Variants in AGBL1 observed in about 807,000 individuals in gnomAD.
AGBL1 encodes cytosolic carboxypeptidase 4.
A neutral mutation model predicts 118.9 loss-of-function variants in AGBL1; 130 were observed. That is an observed-to-expected ratio of 1.09 (90% CI 0.95 to 1.26). The LOEUF is 1.26. Among genes scored for constraint, AGBL1 ranks in the 50% most tolerant of loss-of-function variants. AGBL1 has a pLI of 0.00. For missense variants in AGBL1, 1,584 were observed against 1,298.1 expected, an observed-to-expected ratio of 1.22 and a Z score of -3.38; for synonymous variants, 555 against 478.9, an observed-to-expected ratio of 1.16 and a Z score of -2.08.
intron 21 of AGBL1, among the ~76,000 whole-genome samples, chr15:86,557,034 T>C (rs1200824162): frequency 1.3e-5 from 2 of 152,238 alleles, no homozygotes; most frequent in Non-Finnish European, 2.9e-5. Context: ...ATTAATACGA[T>C]ATTTCCTCTT....
intron 22 of AGBL1, among the ~76,000 whole-genome samples, chr15:86,714,328 T>C (rs1567136280): frequency 6.6e-6 from 1 of 152,204 alleles, no homozygotes; most frequent in East Asian, 1.9e-4. Context: ...GTCAGTGGGC[T>C]GAGCTGAGAG....
At chr15:86,630,932 C>A (rs537639971) in intron 21 of AGBL1, 1 of 159,796 alleles carries the variant, frequency 6.3e-6, no homozygotes, top group Non-Finnish European at 1.3e-5. Context: ...GCTATTTTAA[C>A]GAGCGCCTGA....
chr15:86,942,948 C>T (rs1052772020), intron 23 of AGBL1, among the ~76,000 whole-genome samples: 4 of 152,162 alleles, frequency 2.6e-5, no homozygotes, highest in Non-Finnish European at 5.9e-5. Flanking sequence ...TGTACCTGTT[C>T]TCACTTTTCA....
In AGBL1 at chr15:86,909,589, T is replaced by C. The variant is rs536596660; in HGVS notation, c.*2295T>C. 5.7e-4 allele frequency: 87 copies of C among 152,360 alleles called. No homozygotes were observed. Among genetic ancestry groups the C allele is most frequent in the African/African-American group, 2.0e-3 (85 of 41,586 alleles). 9.4% of individuals were successfully genotyped at this position (152,360 alleles called of 1,614,324 possible). A position where few individuals can be genotyped will look rare whatever the true frequency, so the allele number is the denominator to read the frequency against. On this transcript the variant is annotated 3_prime_UTR_variant, in exon 23 of 23. Transcript: ENST00000614907. ...TTAAGACATGTATGTTTATGTAACA[T>C]ATGCAAGAAATTTGAAGACTATTAG...
intron 21 of AGBL1, 111 bp from the exon 22 acceptor site, chr15:86,674,162 C>A (rs1312375276): frequency 2.0e-6 from 2 of 1,007,774 alleles, no homozygotes; most frequent in African/African-American, 1.6e-5. Flanking sequence ...ACAATTAATT[C>A]TCACTGTCTG....
intron 6 of AGBL1, among the ~76,000 whole-genome samples, chr15:86,234,145 G>A (rs2078499790): frequency 6.6e-6 from 1 of 152,110 alleles, no homozygotes; most frequent in South Asian, 2.1e-4. Flanking sequence ...TCTGCTTGTA[G>A]GTTTCAGCCA....
chr15:86,435,020 A>T (rs904745849), intron 18 of AGBL1, among the ~76,000 whole-genome samples: 1 of 152,208 alleles, frequency 6.6e-6, no homozygotes, highest in African/African-American at 2.4e-5. Context: ...ACGCTGAAAG[A>T]TCCTTGAGCT....
At position 86,614,307 on chromosome 15, in the gene AGBL1, C is replaced by T. The variant is rs1229787245; in HGVS notation, c.2994+59770C>T. ...TCCTTATTGTCACTTTCTTCCAGCC[C>T]TGCTCTTTTCTTAATTCTTGATAAT... On this transcript the variant is annotated intron_variant, in intron 21 of 22. Transcript: ENST00000614907. Among the ~76,000 whole-genome samples the T allele has an allele frequency of 3.3e-5, 5 of 152,142 alleles. 1 individual carries two copies. The highest frequency in any genetic ancestry group is 1.2e-4 in the African/African-American group (5 of 41,434).
chr15:86,483,553 G>A (rs1207551420), intron 18 of AGBL1, among the ~76,000 whole-genome samples: 2 of 152,082 alleles, frequency 1.3e-5, no homozygotes, highest in African/African-American at 4.8e-5. Flanking sequence ...CCAAGAGGGT[G>A]TCCCTTCAGT....
rs766900 is a variant in AGBL1 at position 86,125,983 on chromosome 15, A to G, written c.52-16021A>G. On this transcript the variant is annotated intron_variant, in intron 1 of 22. Coordinates refer to ENST00000614907, the MANE Select transcript of AGBL1 (RefSeq NM_001386094.1). ...CTACACAGCTGCAGATGCTTTTATG[A>G]CCTATGAAAATTGTGACTCAACTGG... 6.6e-3 allele frequency among the ~76,000 whole-genome samples: 1,010 copies of G among 151,902 alleles called. 8 individuals carry two copies. The highest frequency in any genetic ancestry group is 0.027 in the Middle Eastern group (8 of 294).
intron 18 of AGBL1, among the ~76,000 whole-genome samples, chr15:86,441,977 A>T (rs1427595021): frequency 1.3e-5 from 2 of 152,260 alleles, no homozygotes; most frequent in African/African-American, 4.8e-5. Context: ...GAAAGCTGCC[A>T]AATCCACAAG....
intron 5 of AGBL1, among the ~76,000 whole-genome samples, chr15:86,222,279 C>G (rs1005830705): frequency 3.3e-5 from 5 of 152,176 alleles, no homozygotes; most frequent in South Asian, 2.1e-4. Flanking sequence ...TTTCATGTAG[C>G]CTTCTGTTGT....
chr15:86,975,672 C>T (rs2081170130), intron 23 of AGBL1, among the ~76,000 whole-genome samples: 1 of 152,142 alleles, frequency 6.6e-6, no homozygotes, highest in Non-Finnish European at 1.5e-5. Flanking sequence ...TGGACTTTTG[C>T]AAATGATGTT....
intron 17 of AGBL1, among the ~76,000 whole-genome samples, chr15:86,331,780 C>T (rs1334584179): frequency 6.6e-6 from 1 of 152,230 alleles, no homozygotes; most frequent in East Asian, 1.9e-4. Context: ...ACCAGACTTA[C>T]AAGAGCTCCT....
downstream of AGBL1, among the ~76,000 whole-genome samples, chr15:86,920,844 C>T (rs1028556677): frequency 1.2e-4 from 18 of 152,174 alleles, no homozygotes; most frequent in African/African-American, 4.1e-4. Context: ...CTCTCTTAGA[C>T]ATAGTTTTTT....
intron 1 of AGBL1, chr15:86,110,068 A>G (rs1048159233): frequency 6.6e-6 from 1 of 152,248 alleles, no homozygotes; most frequent in Non-Finnish European, 1.5e-5. Context: ...TAAACACATG[A>G]CTGGGACCCC....
rs2080864465 is a variant in AGBL1, at chr15:86,365,001, A to ATATATATATG, written c.2375-32357_2375-32356insTGTATATATA. Among the ~76,000 whole-genome samples, 121 of 131,886 alleles carry ATATATATATG rather than the reference A, an allele frequency of 9.2e-4. 2 individuals carry two copies. The highest frequency in any genetic ancestry group is 1.9e-3 in the South Asian group (8 of 4,266). 86.5% of individuals were successfully genotyped at this position (131,886 alleles called of 152,430 possible). On this transcript the variant is annotated intron_variant, in intron 17 of 22. Transcript: ENST00000614907. Reference sequence around the variant, plus strand: ...TATATATATATATACACACACACATATATATATACACACACATATATATAT... The same window carrying ATATATATATG: ...TATATATATATATACACACACACATATATATATATGTATATATACACACACATATATATAT...
chr15:86,605,530 G>T (rs1048226706), intron 21 of AGBL1, among the ~76,000 whole-genome samples: 2 of 152,160 alleles, frequency 1.3e-5, no homozygotes, highest in Non-Finnish European at 2.9e-5. Context: ...TGCAACTGGG[G>T]ATTGGAAGCC....
chr15:86,718,945 G>T (rs2086676596), intron 22 of AGBL1, among the ~76,000 whole-genome samples: 1 of 151,940 alleles, frequency 6.6e-6, no homozygotes, highest in African/African-American at 2.4e-5. Flanking sequence ...CCTGCGTCTG[G>T]TACTGCTAAA....
Sources: gnomAD v4.1 joint callset for allele counts (sites outside exome capture counted in the v4.1 genomes callset) on GRCh38, gnomAD v4.1.1 for gene constraint, MANE v1.5 for transcripts, NCBI Gene and HGNC (gene_info 2026-07-23, HGNC 2026-07-21) for gene names.